The following BRINP3 variants were observed in gnomAD, a reference collection of about 807,000 sequenced individuals.
The protein encoded by BRINP3 is BMP/retinoic acid-inducible neural-specific protein 3.
In BRINP3, 19 loss-of-function variants were observed where a neutral mutation model predicts 71.0. That is an observed-to-expected ratio of 0.27 (90% CI 0.19 to 0.39). The LOEUF (loss-of-function observed/expected upper bound fraction) is 0.39, where lower values mean the gene tolerates loss of function less well. Among genes scored for constraint, BRINP3 ranks in the 10% least tolerant of loss-of-function variants. The probability of loss-of-function intolerance (pLI) is 1.00; values close to 1 mark genes in which losing one functional copy is unlikely to be tolerated. For missense variants in BRINP3, 959 were observed against 940.8 expected (o/e 1.02, Z -0.25); for synonymous variants, 380 against 337.7 (o/e 1.13, Z -1.37).
intron 2 of BRINP3, among the ~76,000 whole-genome samples, chr1:190,449,863 A>C (rs1489110990): frequency 6.6e-6 from 1 of 152,198 alleles, no homozygotes; most frequent in Non-Finnish European, 1.5e-5. Flanking sequence ...CCCTGTTGGT[A>C]ATTTAATTCT....
intron 7 of BRINP3, among the ~76,000 whole-genome samples, chr1:190,105,710 G>A (rs560972996): frequency 1.3e-5 from 2 of 152,000 alleles, no homozygotes; most frequent in South Asian, 4.2e-4. Flanking sequence ...ATTTAATCTG[G>A]TTAAGTGGTG....
rs373341493 is a variant in BRINP3, at chr1:190,243,493, T to C, written c.619-9016A>G. ...CTACATTTGTGGCAGCTATAACTGA[T>C]GGTGTTACAAGAATGGTAAACTTGA... On this transcript the variant is annotated intron_variant, in intron 4 of 7. Coordinates refer to ENST00000367462, the MANE Select transcript of BRINP3 (RefSeq NM_199051.3). Among the ~76,000 whole-genome samples, 483 of 152,248 alleles carry C rather than the reference T, an allele frequency of 3.2e-3. 1 individual carries two copies. The highest frequency in any genetic ancestry group is 0.011 in the African/African-American group (464 of 41,550).
intron 2 of BRINP3, among the ~76,000 whole-genome samples, chr1:190,405,037 G>A (rs1205533556): frequency 6.6e-6 from 1 of 152,094 alleles, no homozygotes; most frequent in Non-Finnish European, 1.5e-5. Flanking sequence ...GAAAGCGACT[G>A]TTCTTTAATT....
chr1:190,409,246 A>G (rs1672498397), intron 2 of BRINP3, among the ~76,000 whole-genome samples: 1 of 152,176 alleles, frequency 6.6e-6, no homozygotes, highest in Admixed American at 6.5e-5. Flanking sequence ...TAAAAATAAT[A>G]ATAGTAAATA....
intron 6 of BRINP3, among the ~76,000 whole-genome samples, chr1:190,183,464 G>T (rs1653224964): frequency 6.6e-6 from 1 of 151,978 alleles, no homozygotes; most frequent in Non-Finnish European, 1.5e-5. Flanking sequence ...ACAGATTAAA[G>T]GCAGGTTAGC....
chr1:190,144,924 G>T lies in BRINP3; in HGVS notation c.1184+15744C>A, dbSNP rs1204045061. ...ATTCACTTCTCCAGATATACATATG[G>T]CATACTGCATTCTCACCTTCTTCAT... is the stretch of plus-strand genomic sequence containing the variant. On this transcript the variant is annotated intron_variant, in intron 7 of 7. Transcript: ENST00000367462. Among the ~76,000 whole-genome samples the T allele has an allele frequency of 3.9e-5, 6 of 151,998 alleles. No homozygotes were observed. In the East Asian group the frequency reaches 1.2e-3, roughly 29 times the overall value.
At chr1:190,177,457 C>T (rs1448855053) in intron 6 of BRINP3, among the ~76,000 whole-genome samples, 3 of 150,646 alleles carry the variant, frequency 2.0e-5, no homozygotes, top group African/African-American at 2.4e-5. Context: ...GGATTACAGG[C>T]GTGAGGCACC....
chr1:190,159,225 T>C (rs1203417422), intron 7 of BRINP3, among the ~76,000 whole-genome samples: 1 of 152,038 alleles, frequency 6.6e-6, no homozygotes, highest in Non-Finnish European at 1.5e-5. Context: ...ATCACAAGTG[T>C]TGAAGATAAT....
intron 6 of BRINP3, among the ~76,000 whole-genome samples, chr1:190,217,761 C>T (rs1424135662): frequency 6.6e-6 from 1 of 151,834 alleles, no homozygotes; most frequent in Non-Finnish European, 1.5e-5. Flanking sequence ...CACTGTTTTC[C>T]CAATATCGAC....
At chr1:190,215,499 A>T (rs1228859398) in intron 6 of BRINP3, among the ~76,000 whole-genome samples, 1 of 151,948 alleles carries the variant, frequency 6.6e-6, no homozygotes, top group Non-Finnish European at 1.5e-5. Flanking sequence ...CTGATGGTCA[A>T]ATATCATCTG....
At chr1:190,197,196 T>G (rs1654562849) in intron 6 of BRINP3, among the ~76,000 whole-genome samples, 2 of 151,910 alleles carry the variant, frequency 1.3e-5, no homozygotes, top group Admixed American at 6.6e-5. Context: ...TCTGATGAGA[T>G]TCAATTACCT....
intron 4 of BRINP3, among the ~76,000 whole-genome samples, chr1:190,255,236 C>CTTTT (rs201421106): frequency 7.4e-6 from 1 of 134,618 alleles, no homozygotes; most frequent in African/African-American, 2.7e-5. Context: ...AAAATTCTCT[C>CTTTT]TTTTTTTTTT....
At chr1:190,374,067 T>C (rs1670035948) in intron 2 of BRINP3, among the ~76,000 whole-genome samples, 1 of 151,828 alleles carries the variant, frequency 6.6e-6, no homozygotes, top group South Asian at 2.1e-4. Flanking sequence ...TCATTTTCTC[T>C]TTTAAAAAAT....
intron 2 of BRINP3, among the ~76,000 whole-genome samples, chr1:190,311,718 T>A (rs778795421): frequency 9.3e-5 from 14 of 151,240 alleles, no homozygotes; most frequent in African/African-American, 1.2e-4. Context: ...AGAAGTTGAT[T>A]AGATCTTCTA....
At chr1:190,262,287 A>T (rs995541983) in intron 4 of BRINP3, among the ~76,000 whole-genome samples, 7 of 152,100 alleles carry the variant, frequency 4.6e-5, no homozygotes, top group African/African-American at 1.4e-4. Flanking sequence ...TTAAAATTAC[A>T]GCTGCCTGAG....
rs529445203 is a variant in BRINP3 at position 190,186,248 on chromosome 1, G to A, written c.962-25358C>T. On this transcript the variant is annotated intron_variant, in intron 6 of 7. Transcript: ENST00000367462. ...AAAAAATTAGCCAGACATCGTGGCA[G>A]GTGTCTGTAATCCCAGCTACTTGGA... Among the ~76,000 whole-genome samples the A allele has an allele frequency of 7.2e-5, 11 of 151,920 alleles. No homozygotes were observed. The East Asian group carries it at 1.9e-3, about 27-fold the overall frequency.
intron 2 of BRINP3, among the ~76,000 whole-genome samples, chr1:190,309,095 A>C (rs994501546): frequency 6.6e-6 from 1 of 151,958 alleles, no homozygotes; most frequent in Non-Finnish European, 1.5e-5. Flanking sequence ...TCGATACAAA[A>C]TAAAATATTA....
chr1:190,312,393 C>G (rs1665596274), intron 2 of BRINP3, among the ~76,000 whole-genome samples: 1 of 151,358 alleles, frequency 6.6e-6, no homozygotes, highest in African/African-American at 2.4e-5. Flanking sequence ...TTTATGATCT[C>G]AGTGATATTT....
At chr1:190,402,337 T>C (rs763571376) in intron 2 of BRINP3, among the ~76,000 whole-genome samples, 9 of 152,172 alleles carry the variant, frequency 5.9e-5, no homozygotes, top group Admixed American at 2.6e-4. Flanking sequence ...ATGCAATTAA[T>C]ATATTCATAT....
Sources: gnomAD v4.1 joint callset for allele counts (sites outside exome capture counted in the v4.1 genomes callset) on GRCh38, gnomAD v4.1.1 for gene constraint, MANE v1.5 for transcripts, NCBI Gene and HGNC (gene_info 2026-07-23, HGNC 2026-07-21) for gene names.